Variants in THRAP3 observed in about 807,000 individuals in gnomAD.
The protein encoded by THRAP3 is thyroid hormone receptor associated protein 3, also known as thyroid hormone receptor-associated protein 3.
THRAP3 carries 16 observed loss-of-function variants against 101.0 expected under a neutral mutation model. The observed-to-expected ratio is 0.16, with a 90% confidence interval of 0.11 to 0.24. The LOEUF is 0.24. THRAP3 is among the 10% of genes least tolerant of loss of function. The pLI, the probability that THRAP3 is intolerant of heterozygous loss-of-function variation, is 1.00. For missense variants in THRAP3, 989 were observed against 1,202.7 expected, an observed-to-expected ratio of 0.82 and a Z score of 2.63; for synonymous variants, 407 against 422.6, an observed-to-expected ratio of 0.96 and a Z score of 0.45.
At chr1:36,227,267 A>G (rs900325175) in intron 1 of THRAP3, among the ~76,000 whole-genome samples, 2 of 152,120 alleles carry the variant, frequency 1.3e-5, no homozygotes, top group Admixed American at 6.6e-5. Context: ...AGACACATAC[A>G]TATATAACAT....
In THRAP3 at chr1:36,291,496, C is replaced by T. The variant is rs1488391768; in HGVS notation, c.1868C>T (p.Pro623Leu). The change falls in exon 6 of 12, where the codon CCC becomes CTC. Residue 623 changes from proline (P) to leucine (L), a missense_variant. By Grantham distance (98) the Pro-to-Leu change is moderately conservative (BLOSUM62 -3). Coordinates refer to ENST00000354618, the MANE Select transcript of THRAP3 (RefSeq NM_005119.4). ...HIQSAQSQRS[P>L]SELFAQHIVT... ...CAATCAGCTCAGTCTCAGCGTAGCCCCTCAGAACTGTTTGCCCAACATATA... is the reference window on the plus strand; with the variant it reads ...CAATCAGCTCAGTCTCAGCGTAGCCTCTCAGAACTGTTTGCCCAACATATA... 6.2e-7 allele frequency: 1 copy of T among 1,614,092 alleles called. No individual in the cohort carries two copies. Among genetic ancestry groups the T allele is most frequent in the East Asian group, 2.2e-5 (1 of 44,896 alleles).
intron 2 of THRAP3, among the ~76,000 whole-genome samples, chr1:36,275,586 CAA>C (rs754150358): frequency 7.2e-5 from 1 of 13,812 alleles, no homozygotes; most frequent in Non-Finnish European, 1.8e-4. Flanking sequence ...GACTCTGTCT[CAA>C]AAAAAAAAAA....
intron 2 of THRAP3, among the ~76,000 whole-genome samples, chr1:36,273,683 G>A (rs1002070346): frequency 1.3e-5 from 2 of 152,070 alleles, no homozygotes; most frequent in Non-Finnish European, 2.9e-5. Context: ...AAAACCTAAG[G>A]ATTCTACTAA....
chr1:36,294,666 T>A (rs1645922131), intron 8 of THRAP3, among the ~76,000 whole-genome samples: 1 of 152,226 alleles, frequency 6.6e-6, no homozygotes, highest in Non-Finnish European at 1.5e-5. Flanking sequence ...TTGAATGTGA[T>A]GAGAGGCGCT....
chr1:36,272,351 G>C (rs1645602787), intron 2 of THRAP3, among the ~76,000 whole-genome samples: 1 of 152,130 alleles, frequency 6.6e-6, no homozygotes, highest in African/African-American at 2.4e-5. Flanking sequence ...TTAATAACTT[G>C]AGAGCCACTT....
At position 36,289,576 on chromosome 1, in the gene THRAP3, G is replaced by C. The variant is rs773494314; in HGVS notation, c.1557G>C (p.Lys519Asn). Residue 519 changes from lysine (K) to asparagine (N), a missense_variant, in exon 5 of 12, where the codon AAG (lysine) becomes AAC (asparagine). Lys to Asn is a moderately conservative substitution (Grantham distance 94, BLOSUM62 0). Transcript: ENST00000354618. ...EGGHRGFVPE[K>N]NFRVTAYKAV... Reference sequence around the variant, plus strand: ...GGCACAGGGGCTTTGTGCCTGAGAAGAATTTCCGAGTGACTGCTTATAAAG... The same window carrying C: ...GGCACAGGGGCTTTGTGCCTGAGAACAATTTCCGAGTGACTGCTTATAAAG... The C allele has an allele frequency of 6.2e-7, 1 of 1,614,020 alleles. No individual in the cohort carries two copies. Among genetic ancestry groups the C allele is most frequent in the Non-Finnish European group, 8.5e-7 (1 of 1,179,986 alleles).
At chr1:36,216,615 AAAC>A in the THRAP3 span, among the ~76,000 whole-genome samples, 1 of 151,804 alleles carries the variant, frequency 6.6e-6, no homozygotes, top group South Asian at 2.1e-4. Flanking sequence ...GCCTGGCCAA[AAAC>A]AACAACAACA....
At chr1:36,265,816 G>A (rs1645506639) in intron 2 of THRAP3, among the ~76,000 whole-genome samples, 1 of 151,920 alleles carries the variant, frequency 6.6e-6, no homozygotes, top group South Asian at 2.1e-4. Flanking sequence ...CTAATCTAAT[G>A]CTCCCCATCC....
chr1:36,210,726 T>TATATCATATATATATATG, the THRAP3 span, among the ~76,000 whole-genome samples: 2 of 1,852 alleles, frequency 1.1e-3, no homozygotes, highest in Non-Finnish European at 3.0e-3. Flanking sequence ...TATATATATA[T>TATATCATATATATATATG]ATATATATAT....
At chr1:36,214,022 GAAAGAAA>G in the THRAP3 span, among the ~76,000 whole-genome samples, 41 of 120,024 alleles carry the variant, frequency 3.4e-4, no homozygotes, top group African/African-American at 1.2e-3. Context: ...AAGAAAGAAA[GAAAGAAA>G]GAAAGAAAGA....
At chr1:36,288,392 A>T in intron 4 of THRAP3, 2 of 985,318 alleles carry the variant, frequency 2.0e-6, no homozygotes, top group African/African-American at 1.7e-5. Flanking sequence ...AAGTAAGTCT[A>T]TTTTAAAACA....
the THRAP3 span, among the ~76,000 whole-genome samples, chr1:36,214,917 C>T: frequency 6.6e-6 from 1 of 151,130 alleles, no homozygotes; most frequent in Non-Finnish European, 1.5e-5. Context: ...CACGTCCCTC[C>T]CCTGCTTATA....
chr1:36,250,454 C>T (rs374288468), intron 1 of THRAP3, among the ~76,000 whole-genome samples: 12 of 151,986 alleles, frequency 7.9e-5, no homozygotes, highest in East Asian at 7.8e-4. Flanking sequence ...CCTTGTGATC[C>T]GCCCGCCTTG....
At chr1:36,262,807 T>C (rs1356223484) in intron 2 of THRAP3, among the ~76,000 whole-genome samples, 1 of 151,112 alleles carries the variant, frequency 6.6e-6, no homozygotes, top group Admixed American at 6.6e-5. Flanking sequence ...ATTATTATTT[T>C]TTTTGAGATG....
chr1:36,295,083 TGTG>T (rs1645927770), intron 8 of THRAP3, among the ~76,000 whole-genome samples: 1 of 151,652 alleles, frequency 6.6e-6, no homozygotes, highest in South Asian at 2.1e-4. Flanking sequence ...ATTAGCCGGG[TGTG>T]GTAGTGCATG....
rs949241522 is a variant in THRAP3, at chr1:36,231,714, A to C, written c.-135+7209A>C. On this transcript the variant is annotated intron_variant, in intron 1 of 11. Coordinates refer to ENST00000354618, the MANE Select transcript of THRAP3 (RefSeq NM_005119.4). ...ATGCATAGAGGTGAGACTGTATTGTAAAGTTAACGAGGAAGTTTCTTTACT... is the reference window on the plus strand; with the variant it reads ...ATGCATAGAGGTGAGACTGTATTGTCAAGTTAACGAGGAAGTTTCTTTACT... 4.6e-5 allele frequency among the ~76,000 whole-genome samples: 7 copies of C among 152,272 alleles called. No individual in the cohort carries two copies. The East Asian group carries it at 1.2e-3, about 25-fold the overall frequency.
At chr1:36,302,327 C>A (rs1646040199) in intron 11 of THRAP3, among the ~76,000 whole-genome samples, 1 of 152,188 alleles carries the variant, frequency 6.6e-6, no homozygotes, top group African/African-American at 2.4e-5. Flanking sequence ...CCATCACTTG[C>A]CAAAATGGCT....
At chr1:36,231,328 G>C (rs1042323360) in intron 1 of THRAP3, among the ~76,000 whole-genome samples, 1 of 152,140 alleles carries the variant, frequency 6.6e-6, no homozygotes, top group Non-Finnish European at 1.5e-5. Context: ...TAGAGGCATT[G>C]GTCTCACCCC....
chr1:36,296,727 G>A lies in THRAP3; in HGVS notation c.2260G>A (p.Ala754Thr), dbSNP rs750855221. ...CTCCAGTCACTCAAGGGAAAGGTCA[G>A]CTGAAAAAACAGAGAAAACTCATAA... ...RDSSHSRERSAEKTEKTHKGS... is the reference protein window; with the variant it reads ...RDSSHSRERSTEKTEKTHKGS... The change falls in exon 9 of 12, where the codon GCT (alanine) becomes ACT (threonine). Residue 754 changes from alanine to threonine, a missense_variant. By Grantham distance (58) the Ala-to-Thr change is moderately conservative. Transcript: ENST00000354618. 13 of 1,603,140 alleles carry A rather than the reference G, an allele frequency of 8.1e-6. No homozygotes were observed. Among genetic ancestry groups the A allele is most frequent in the Non-Finnish European group, 1.1e-5 (13 of 1,177,436 alleles).
Sources: gnomAD v4.1 joint callset for allele counts (sites outside exome capture counted in the v4.1 genomes callset) on GRCh38, gnomAD v4.1.1 for gene constraint, MANE v1.5 for transcripts, NCBI Gene and HGNC (gene_info 2026-07-23, HGNC 2026-07-21) for gene names.